SPATA13: variants seen among roughly 807,000 people sequenced by gnomAD.
SPATA13 encodes the protein spermatogenesis associated 13, also known as spermatogenesis-associated protein 13.
A neutral mutation model predicts 104.0 loss-of-function variants in SPATA13; 50 were observed. That is an observed-to-expected ratio of 0.48 (90% CI 0.38 to 0.61). The LOEUF (loss-of-function observed/expected upper bound fraction) is 0.61. Ranked by LOEUF, SPATA13 falls within the 20% of genes least tolerant of loss-of-function variation. SPATA13 has a pLI of 0.00. For missense variants in SPATA13, 1,524 were observed against 1,690.6 expected (o/e 0.90, Z 1.73); for synonymous variants, 606 against 667.5 (o/e 0.91, Z 1.42).
intron 1 of SPATA13, among the ~76,000 whole-genome samples, chr13:24,218,365 G>T (rs997062967): frequency 1.3e-5 from 2 of 152,142 alleles, no homozygotes; most frequent in African/African-American, 4.8e-5. Flanking sequence ...CCAGGTTCTG[G>T]CCAGGAGGTA....
chr13:24,002,278 C>T (rs896511018), intron 2 of SPATA13, among the ~76,000 whole-genome samples: 15 of 152,144 alleles, frequency 9.9e-5, no homozygotes, highest in Admixed American at 9.2e-4. Flanking sequence ...TGTTGGTGAA[C>T]ATGTTGAATG....
chr13:24,217,945 C>G (rs1334588452), intron 1 of SPATA13, among the ~76,000 whole-genome samples: 2 of 152,240 alleles, frequency 1.3e-5, no homozygotes, highest in Non-Finnish European at 2.9e-5. Flanking sequence ...TGTCAGGAAT[C>G]TGGGAATTGT....
chr13:24,000,165 T>A (rs560706157), intron 2 of SPATA13, among the ~76,000 whole-genome samples: 1 of 152,248 alleles, frequency 6.6e-6, no homozygotes, highest in East Asian at 1.9e-4. Flanking sequence ...GAATGTCAGC[T>A]GTGGTGGTCT....
intron 4 of SPATA13, among the ~76,000 whole-genome samples, chr13:24,262,195 A>T (rs1874090286): frequency 6.6e-6 from 1 of 152,188 alleles, no homozygotes; most frequent in South Asian, 2.1e-4. Context: ...TTTAAATAAA[A>T]TTAATTGAAT....
At chr13:24,017,218 A>C (rs1332337876) in intron 2 of SPATA13, among the ~76,000 whole-genome samples, 1 of 152,256 alleles carries the variant, frequency 6.6e-6, no homozygotes, top group Non-Finnish European at 1.5e-5. Flanking sequence ...CGTGCCAGGC[A>C]CTGCTCTGAG....
chr13:24,289,547 A>G (rs1041942904), intron 8 of SPATA13, among the ~76,000 whole-genome samples: 50 of 152,284 alleles, frequency 3.3e-4, no homozygotes, highest in African/African-American at 1.1e-3. Flanking sequence ...GTTTTCTTAT[A>G]TTAGCTTGTG....
intron 2 of SPATA13, among the ~76,000 whole-genome samples, chr13:24,002,563 T>C (rs2137674720): frequency 6.6e-6 from 1 of 151,500 alleles, no homozygotes; most frequent in Middle Eastern, 3.4e-3. Context: ...GGGGGGTGAG[T>C]GTGTTGGTCT....
At chr13:24,068,156 C>T (rs1440463580) in intron 3 of SPATA13, among the ~76,000 whole-genome samples, 2 of 152,168 alleles carry the variant, frequency 1.3e-5, no homozygotes, top group Non-Finnish European at 2.9e-5. Flanking sequence ...CTCTTTGCCT[C>T]TCACCCTCCA....
chr13:24,114,348 A>G (rs921742770), intron 3 of SPATA13, among the ~76,000 whole-genome samples: 1 of 76,808 alleles, frequency 1.3e-5, no homozygotes, highest in African/African-American at 3.4e-5. Flanking sequence ...AAGCTAATTC[A>G]GTGTGCACGT....
In SPATA13 at chr13:24,258,042, C is replaced by T. The variant is rs535556188; in HGVS notation, c.2164+6180C>T. The stretch of plus-strand genomic sequence containing the variant: ...GTTAGGAGTTCAAAACTAGCCTAAC[C>T]AACATGGTGAAACCTCATCTCTTTC... On this transcript the variant is annotated intron_variant, in intron 4 of 12. Transcript: ENST00000382108. 1.1e-4 allele frequency among the ~76,000 whole-genome samples: 17 copies of T among 152,152 alleles called. No individual in the cohort carries two copies. The South Asian group carries it at 3.5e-3, about 32-fold the overall frequency.
intron 2 of SPATA13, among the ~76,000 whole-genome samples, chr13:24,012,960 G>A (rs1876543373): frequency 6.6e-6 from 1 of 152,168 alleles, no homozygotes; most frequent in African/African-American, 2.4e-5. Context: ...TCATCCAGCA[G>A]GCCAGCCCGA....
At chr13:24,140,732 A>G (rs1425258513) in intron 3 of SPATA13, among the ~76,000 whole-genome samples, 1 of 152,252 alleles carries the variant, frequency 6.6e-6, no homozygotes, top group Admixed American at 6.5e-5. Flanking sequence ...TTAGTATTAT[A>G]TAATGAAGTG....
intron 3 of SPATA13, among the ~76,000 whole-genome samples, chr13:24,053,478 C>G (rs1040711217): frequency 6.6e-6 from 1 of 152,108 alleles, no homozygotes; most frequent in Non-Finnish European, 1.5e-5. Flanking sequence ...TTGAGCAAGC[C>G]GTTCTTACCT....
At chr13:24,247,259 G>A (rs551932379) in intron 2 of SPATA13, among the ~76,000 whole-genome samples, 97 of 152,254 alleles carry the variant, frequency 6.4e-4, no homozygotes, top group African/African-American at 2.1e-3. Context: ...GAACCTGCAC[G>A]GGATTGTCTT....
At chr13:24,237,870 T>C (rs1226292066) in intron 2 of SPATA13, among the ~76,000 whole-genome samples, 1 of 148,316 alleles carries the variant, frequency 6.7e-6, no homozygotes, top group East Asian at 1.9e-4. Flanking sequence ...ATATATTATA[T>C]AATATATATC....
intron 3 of SPATA13, among the ~76,000 whole-genome samples, chr13:24,090,200 C>T (rs1879866976): frequency 6.6e-6 from 1 of 152,118 alleles, no homozygotes; most frequent in Non-Finnish European, 1.5e-5. Context: ...TTGGACATCC[C>T]CCTTATGGAC....
At chr13:24,284,554 T>C (rs1035711551) in intron 5 of SPATA13, among the ~76,000 whole-genome samples, 6 of 152,112 alleles carry the variant, frequency 3.9e-5, no homozygotes, top group African/African-American at 1.2e-4. Flanking sequence ...ACCCAGCTAC[T>C]TGGGAGGCTG....
intron 1 of SPATA13, among the ~76,000 whole-genome samples, chr13:24,198,204 A>C (rs1870188677): frequency 1.3e-5 from 2 of 152,110 alleles, no homozygotes; most frequent in Admixed American, 6.5e-5. Context: ...TGTGTTGGCC[A>C]GGCTGGTCTT....
intron 3 of SPATA13, among the ~76,000 whole-genome samples, chr13:24,031,398 A>C (rs1877475577): frequency 6.6e-6 from 1 of 152,246 alleles, no homozygotes; most frequent in African/African-American, 2.4e-5. Context: ...CCAATGTATT[A>C]GTTCACAATG....
Sources: allele counts gnomAD v4.1 joint callset (sites outside exome capture counted in the v4.1 genomes callset), GRCh38; gene constraint gnomAD v4.1.1; transcripts MANE v1.5; gene names NCBI Gene and HGNC (gene_info 2026-07-23, HGNC 2026-07-21).